MBNL1: variants seen among roughly 807,000 people sequenced by gnomAD.
The protein encoded by MBNL1 is muscleblind like splicing regulator 1.
MBNL1 carries 8 observed loss-of-function variants against 42.2 expected under a neutral mutation model. The ratio of observed to expected loss-of-function variants is 0.19; its 90% CI spans 0.11 to 0.34. The LOEUF is 0.34. Among genes scored for constraint, MBNL1 ranks in the 10% least tolerant of loss-of-function variants. MBNL1 has a pLI of 1.00. For missense variants in MBNL1, 309 were observed against 495.3 expected, an observed-to-expected ratio of 0.62 and a Z score of 3.57; for synonymous variants, 169 against 173.9, an observed-to-expected ratio of 0.97 and a Z score of 0.22.
intron 2 of MBNL1, among the ~76,000 whole-genome samples, chr3:152,346,314 A>C (rs773390472): frequency 6.6e-6 from 1 of 152,154 alleles, no homozygotes; most frequent in Non-Finnish European, 1.5e-5. Flanking sequence ...TGTGCATCTC[A>C]ATGTCATAGA....
rs533743114 is a variant in MBNL1 at position 152,404,643 on chromosome 3, ACTGT to A, written c.175-10295_175-10292del. On this transcript the variant is annotated intron_variant, in intron 2 of 9. Transcript: ENST00000324210. ...CCCTTAAAACATACCATCCTATATT[ACTGT>A]CTAACTTTATATCTTTAATTTTATG... 5.2e-3 allele frequency among the ~76,000 whole-genome samples: 792 copies of A among 151,744 alleles called. 2 individuals are homozygous for A. Among genetic ancestry groups the A allele is most frequent in the Admixed American group, 0.014 (218 of 15,244 alleles).
At chr3:152,289,592 A>G (rs947268750) in intron 1 of MBNL1, among the ~76,000 whole-genome samples, 16 of 152,044 alleles carry the variant, frequency 1.1e-4, no homozygotes, top group Non-Finnish European at 4.4e-5. Flanking sequence ...ATTTTTTTGA[A>G]AAAAAGTCAA....
chr3:152,317,840 T>C (rs1295730088), intron 2 of MBNL1, among the ~76,000 whole-genome samples: 1 of 152,240 alleles, frequency 6.6e-6, no homozygotes. Context: ...ACCTAAGGAC[T>C]TTATTTCGTT....
intron 3 of MBNL1, among the ~76,000 whole-genome samples, chr3:152,418,410 C>T (rs2098738838): frequency 6.6e-6 from 1 of 152,148 alleles, no homozygotes; most frequent in East Asian, 1.9e-4. Context: ...TGCTGGCTTA[C>T]ACCTGTAATC....
chr3:152,385,991 CAT>C (rs1461502110), intron 2 of MBNL1, among the ~76,000 whole-genome samples: 2 of 151,992 alleles, frequency 1.3e-5, no homozygotes, highest in Non-Finnish European at 2.9e-5. Flanking sequence ...ATACTTTTAA[CAT>C]GTGGTATTTA....
At chr3:152,380,329 C>G (rs1383664640) in intron 2 of MBNL1, among the ~76,000 whole-genome samples, 1 of 152,016 alleles carries the variant, frequency 6.6e-6, no homozygotes, top group Non-Finnish European at 1.5e-5. Flanking sequence ...TTGACACGCT[C>G]CTTATCTTCC....
At chr3:152,384,579 A>G (rs560345441) in intron 2 of MBNL1, among the ~76,000 whole-genome samples, 1 of 152,134 alleles carries the variant, frequency 6.6e-6, no homozygotes, top group Admixed American at 6.6e-5. Context: ...AATAGATTGC[A>G]GTGAGCATAT....
At chr3:152,354,103 C>A (rs1578515022) in intron 2 of MBNL1, among the ~76,000 whole-genome samples, 1 of 152,238 alleles carries the variant, frequency 6.6e-6, no homozygotes, top group African/African-American at 2.4e-5. Context: ...TTCATGTTCT[C>A]TCACCAGTCT....
intron 2 of MBNL1, among the ~76,000 whole-genome samples, chr3:152,367,105 G>T (rs929076650): frequency 1.3e-5 from 2 of 152,078 alleles, no homozygotes; most frequent in African/African-American, 2.4e-5. Context: ...TGTTACACGT[G>T]CCATGGTGGT....
intron 2 of MBNL1, among the ~76,000 whole-genome samples, chr3:152,261,353 A>C (rs1450910633): frequency 2.0e-5 from 3 of 152,156 alleles, no homozygotes; most frequent in African/African-American, 4.8e-5. Flanking sequence ...TAGAGTCCTT[A>C]ACACTTTCAT....
At chr3:152,316,319 A>G (rs2071394462) in intron 2 of MBNL1, among the ~76,000 whole-genome samples, 2 of 152,198 alleles carry the variant, frequency 1.3e-5, no homozygotes, top group Admixed American at 1.3e-4. Context: ...TAGAGAGTGT[A>G]AGAGATTTTG....
rs571990474 is a variant in MBNL1 at position 152,269,025 on chromosome 3, C to T, written c.-857C>T. On this transcript the variant is annotated 5_prime_UTR_variant, in exon 1 of 10. Transcript: ENST00000324210. Reference sequence around the variant, plus strand: ...TTTTCCGTCGCGGGCATCTTGGAATCATGACTCCCACAATGCCTTGGGCAC... The same window carrying T: ...TTTTCCGTCGCGGGCATCTTGGAATTATGACTCCCACAATGCCTTGGGCAC... 355 of 456,250 alleles carry T rather than the reference C, an allele frequency of 7.8e-4. 3 individuals are homozygous for T. The highest frequency in any genetic ancestry group is 6.6e-3 in the African/African-American group (329 of 50,208). 28.3% of individuals were successfully genotyped at this position (456,250 alleles called of 1,614,324 possible).
In MBNL1 at chr3:152,377,556, G is replaced by A. The variant is rs574813742; in HGVS notation, c.175-37385G>A. 2.0e-5 allele frequency among the ~76,000 whole-genome samples: 3 copies of A among 152,284 alleles called. No homozygotes were observed. In the East Asian group the frequency reaches 5.8e-4, roughly 29 times the overall value. Reference sequence around the variant, plus strand: ...TGTGAAGCTCTTAGAACTGTGTATAGTACACATTATATAGCAAGAAATGTT... The same window carrying A: ...TGTGAAGCTCTTAGAACTGTGTATAATACACATTATATAGCAAGAAATGTT... On this transcript the variant is annotated intron_variant, in intron 2 of 9. Coordinates refer to ENST00000324210, the MANE Select transcript of MBNL1 (RefSeq NM_021038.5).
intron 6 of MBNL1, among the ~76,000 whole-genome samples, chr3:152,453,204 T>G (rs1426247286): frequency 6.6e-6 from 1 of 152,182 alleles, no homozygotes; most frequent in Non-Finnish European, 1.5e-5. Context: ...TAAATAGGAC[T>G]GAATTATTAC....
At chr3:152,299,174 C>A (rs540804095) in intron 1 of MBNL1, 4 of 152,770 alleles carry the variant, frequency 2.6e-5, no homozygotes, top group Admixed American at 2.6e-4. Flanking sequence ...TTGGTTATCT[C>A]TCTATCATGC....
chr3:152,277,715 T>C (rs2046106814), intron 1 of MBNL1, among the ~76,000 whole-genome samples: 1 of 152,112 alleles, frequency 6.6e-6, no homozygotes, highest in African/African-American at 2.4e-5. Flanking sequence ...AAATAAATGG[T>C]TTAAAATAGT....
Position 152,335,645 on chromosome 3 carries a change from A to T in MBNL1, c.174+35278A>T, listed in dbSNP as rs539310394. Among the ~76,000 whole-genome samples, 5 of 151,664 alleles carry T rather than the reference A, an allele frequency of 3.3e-5. No individual in the cohort carries two copies. The East Asian group carries it at 9.7e-4, about 29-fold the overall frequency. ...CACCTTTTTTTTTTCACAACAGTAG[A>T]TTATAGGATTTTAAATTATCTTCCC... On this transcript the variant is annotated intron_variant, in intron 2 of 9. Coordinates refer to ENST00000324210, the MANE Select transcript of MBNL1 (RefSeq NM_021038.5).
At chr3:152,385,237 C>G (rs1405479627) in intron 2 of MBNL1, among the ~76,000 whole-genome samples, 1 of 151,974 alleles carries the variant, frequency 6.6e-6, no homozygotes, top group African/African-American at 2.4e-5. Flanking sequence ...TGAGGCCTCT[C>G]TTACATTAAA....
chr3:152,316,984 G>A (rs1239878980), intron 2 of MBNL1, among the ~76,000 whole-genome samples: 2 of 151,868 alleles, frequency 1.3e-5, no homozygotes, highest in African/African-American at 4.8e-5. Context: ...ATAGTTAGAA[G>A]GTACAGTAAC....
Sources: allele counts gnomAD v4.1 joint callset (sites outside exome capture counted in the v4.1 genomes callset), GRCh38; gene constraint gnomAD v4.1.1; transcripts MANE v1.5; gene names NCBI Gene and HGNC (gene_info 2026-07-23, HGNC 2026-07-21).